Variants in PFKM observed in about 807,000 individuals in gnomAD.
The protein encoded by PFKM is phosphofructokinase, muscle.
PFKM carries 58 observed loss-of-function variants against 95.5 expected under a neutral mutation model. The ratio of observed to expected loss-of-function variants is 0.61; its 90% CI spans 0.49 to 0.76. PFKM has a LOEUF of 0.76. PFKM is among the 30% of genes least tolerant of loss of function. The pLI is 0.00. For missense variants in PFKM, 678 were observed against 1,005.4 expected, an observed-to-expected ratio of 0.67 and a Z score of 4.40; for synonymous variants, 336 against 357.2, an observed-to-expected ratio of 0.94 and a Z score of 0.67.
intron 10 of PFKM, among the ~76,000 whole-genome samples, chr12:48,135,944 A>G (rs1472906069): frequency 3.3e-5 from 5 of 151,760 alleles, no homozygotes; most frequent in Admixed American, 2.0e-4. Context: ...GCTGGAGTGC[A>G]ATGGTGCGAC....
At chr12:48,141,499 A>G in intron 15 of PFKM, 118 bp downstream of exon 15, 2 of 911,958 alleles carry the variant, frequency 2.2e-6, no homozygotes, top group South Asian at 2.7e-5. Context: ...TCCACCCTCA[A>G]CCTCACAGTT....
intron 10 of PFKM, chr12:48,137,248 A>G (rs1950185917): frequency 9.6e-6 from 2 of 208,746 alleles, no homozygotes; most frequent in Non-Finnish European, 1.9e-5. Flanking sequence ...TTTTTAGTAG[A>G]GACGGGGTTC....
At chr12:48,106,041 G>A (rs1946553477) in exon 1 of PFKM, 2 of 701,934 alleles carry the variant, frequency 2.8e-6, no homozygotes, top group African/African-American at 1.7e-5. Flanking sequence ...ACCGGAACCG[G>A]CTGCCATGCG....
chr12:48,143,634 T>C (rs1343544766), intron 18 of PFKM, 119 bp from the exon 19 acceptor site: 7 of 792,206 alleles, frequency 8.8e-6, no homozygotes, highest in African/African-American at 3.4e-5. Flanking sequence ...AGGCCCAGGA[T>C]TGTAAACAAC....
Position 48,145,690 on chromosome 12 carries a change from C to G in PFKM, c.2325C>G (p.Ser775=), listed in dbSNP as rs780497709. Reference sequence around the variant, plus strand: ...TGGAGCACATCACCCGGAAGCGGTCCGGGGAAGCTGCCGTCTAAACCTCTC... The same window carrying G: ...TGGAGCACATCACCCGGAAGCGGTCGGGGGAAGCTGCCGTCTAAACCTCTC... The part of the protein sequence containing the change: ...AHLEHITRKR[S]GEAAV The change falls in exon 23 of 23, where the codon TCC becomes TCG. Residue 775 remains serine (S), a synonymous_variant. Coordinates refer to ENST00000359794, the MANE Select transcript of PFKM (RefSeq NM_000289.6). The surrounding 1 kb of genome is among the most constrained non-coding windows in gnomAD (Gnocchi z 4.3). 2.5e-6 allele frequency: 4 copies of G among 1,614,160 alleles called. No individual in the cohort carries two copies. The highest frequency in any genetic ancestry group is 1.7e-5 in the Admixed American group (1 of 60,028).
intron 3 of PFKM, among the ~76,000 whole-genome samples, chr12:48,113,909 G>A (rs938823620): frequency 3.9e-5 from 6 of 152,140 alleles, no homozygotes; most frequent in South Asian, 2.1e-4. Context: ...GTGGTAAAGC[G>A]TCTAAGGGTT....
chr12:48,141,204 C>A, intron 14 of PFKM, 107 bp from the exon 15 acceptor site: 1 of 1,082,982 alleles, frequency 9.2e-7, no homozygotes, highest in Non-Finnish European at 1.4e-6. Context: ...CCTTTTCCAA[C>A]CAAGGGGGAT....
intron 12 of PFKM, 103 bp downstream of exon 12, chr12:48,139,452 C>A: frequency 1.1e-6 from 1 of 880,278 alleles, no homozygotes; most frequent in Non-Finnish European, 1.9e-6. Context: ...TCTGCTGCTT[C>A]CTTTTCTGAT....
intron 3 of PFKM, among the ~76,000 whole-genome samples, chr12:48,108,774 T>C (rs1946930923): frequency 6.6e-6 from 1 of 152,238 alleles, no homozygotes; most frequent in South Asian, 2.1e-4. Context: ...GAAACCTTTA[T>C]TGAGTTCCCG....
Position 48,139,316 on chromosome 12 carries a change from A to G in PFKM, c.1094A>G (p.Lys365Arg). The G allele has an allele frequency of 6.2e-7, 1 of 1,613,898 alleles. No individual in the cohort carries two copies. The highest frequency in any genetic ancestry group is 8.5e-7 in the Non-Finnish European group (1 of 1,179,868). ...TKDVTKAMDE[K>R]KFDEALKLRG... ...GATGTGACCAAGGCCATGGATGAGA[A>G]GAAATTTGACGAAGCCCTGAAGCTG... The change falls in exon 12 of 23, where the codon AAG becomes AGG. Residue 365 changes from lysine to arginine, a missense_variant. Coordinates refer to ENST00000359794, the MANE Select transcript of PFKM (RefSeq NM_000289.6).
At position 48,133,040 on chromosome 12, in the gene PFKM, G is replaced by C; in HGVS notation, c.410G>C (p.Ser137Thr). 1 of 1,614,170 alleles carries C rather than the reference G, an allele frequency of 6.2e-7. No individual in the cohort carries two copies. Reference sequence around the variant, plus strand: ...CGTTCTGAGTGGAGTGACTTGTTGAGTGACCTCCAGAAAGCAGGTAAGAGA... The same window carrying C: ...CGTTCTGAGTGGAGTGACTTGTTGACTGACCTCCAGAAAGCAGGTAAGAGA... ...TFRSEWSDLL[S>T]DLQKAGKITD... Residue 137 changes from serine (S) to threonine (T), a missense_variant, in exon 5 of 23, where the codon AGT becomes ACT. Physicochemically the swap from Ser to Thr is moderately conservative, Grantham distance 58. Transcript: ENST00000359794.
rs11609399 is a variant in PFKM at position 48,107,378 on chromosome 12, A to T, written c.5A>T (p.His2Leu). ...CTCTATTTCTAGGAGGCAGCCATGC[A>T]TAAAGACGAGTTTCATCTGAAATTT... is the stretch of plus-strand genomic sequence containing the variant. The change falls in exon 2 of 25, where the codon CAT (histidine) becomes CTT (leucine). Residue 2 changes from histidine to leucine, a missense_variant. His to Leu is a moderately conservative substitution (Grantham distance 99). Coordinates refer to the PFKM transcript ENST00000340802. 0.2 allele frequency: 319,170 copies of T among 1,593,076 alleles called. 40,698 individuals are homozygous for T. The highest frequency in any genetic ancestry group is 0.58 in the East Asian group (26,162 of 44,820).
intron 4 of PFKM, chr12:48,131,655 A>G: frequency 2.0e-6 from 1 of 500,972 alleles, no homozygotes; most frequent in Non-Finnish European, 3.6e-6. Context: ...ATGGGGACTG[A>G]CACATAAGCA....
chr12:48,107,284 A>T, intron 1 of PFKM: 2 of 839,138 alleles, frequency 2.4e-6, no homozygotes, highest in Admixed American at 3.5e-5. Flanking sequence ...AGTAGTCATG[A>T]GTGTAGCTGG....
chr12:48,121,831 G>A (rs1168703714), intron 1 of PFKM, among the ~76,000 whole-genome samples: 1 of 152,140 alleles, frequency 6.6e-6, no homozygotes, highest in African/African-American at 2.4e-5. Context: ...TTTAGTTACT[G>A]TTTTGAATCT....
chr12:48,114,471 G>A (rs1749778618), upstream of PFKM, among the ~76,000 whole-genome samples: 1 of 152,168 alleles, frequency 6.6e-6, no homozygotes, highest in South Asian at 2.1e-4. Context: ...GGGAGGGGAG[G>A]TAATAGAAGG....
chr12:48,111,569 C>T (rs901113120), intron 3 of PFKM, among the ~76,000 whole-genome samples: 2 of 152,088 alleles, frequency 1.3e-5, no homozygotes, highest in African/African-American at 4.8e-5. Context: ...GGTAGTGGAG[C>T]GGGGAAGATC....
chr12:48,107,408 T>C (rs757712946), exon 2 of PFKM: 1 of 1,598,808 alleles, frequency 6.3e-7, no homozygotes, highest in African/African-American at 1.3e-5. Context: ...AAATTTTTCA[T>C]GTGTGTGATT....
intron 2 of PFKM, among the ~76,000 whole-genome samples, chr12:48,123,726 A>G (rs753145731): frequency 6.6e-6 from 1 of 152,208 alleles, no homozygotes; most frequent in Non-Finnish European, 1.5e-5. Flanking sequence ...CCCACTTTGT[A>G]TAGAGCCCTG....
Sources: allele counts gnomAD v4.1 joint callset (sites outside exome capture counted in the v4.1 genomes callset), GRCh38; gene constraint gnomAD v4.1.1; non-coding constraint Gnocchi (gnomAD v3.1); transcripts MANE v1.5; gene names NCBI Gene and HGNC (gene_info 2026-07-23, HGNC 2026-07-21).